The following LBHD1 variants were observed in gnomAD, a reference collection of about 807,000 sequenced individuals.
The protein encoded by LBHD1 is LBH domain-containing protein 1.
A neutral mutation model predicts 31.1 loss-of-function variants in LBHD1; 28 were observed. The ratio of observed to expected loss-of-function variants is 0.90; its 90% CI spans 0.67 to 1.24. The LOEUF is 1.24. LBHD1 is among the 50% of genes most tolerant of loss of function. LBHD1 has a pLI of 0.00. For synonymous variants in LBHD1, 105 were observed against 116.5 expected (o/e 0.90, Z 0.63); for missense variants, 350 against 323.0 (o/e 1.08, Z -0.64).
Position 62,672,077 on chromosome 11 carries a change from T to G in LBHD1, c.-524A>C, listed in dbSNP as rs1590855702. The G allele has an allele frequency of 6.2e-7, 1 of 1,604,138 alleles. No individual in the cohort carries two copies. The highest frequency in any genetic ancestry group is 8.5e-7 in the Non-Finnish European group (1 of 1,175,690). On this transcript the variant is annotated 5_prime_UTR_variant, in exon 1 of 7. Transcript: ENST00000354588. ...GTGGCCTGGAGGAAGAACTGGATGG[T>G]TGGCGGCGAAGGCGGCGCCGGCGGG...
In LBHD1 at chr11:62,663,254, C is replaced by A. The variant is rs1349511722; in HGVS notation, c.743G>T (p.Arg248Ile). Residue 248 changes from arginine to isoleucine, a missense_variant, in exon 6 of 7, where the codon AGA (arginine) becomes ATA (isoleucine). Transcript: ENST00000354588. ...TPPADPACPE[R>I]EDSHGSGSPF... The stretch of plus-strand genomic sequence containing the variant: ...GCCTCACCTTCCATGGCTGTCTTCT[C>A]TTTCTGGGCAAGCCGGATCTGCTGG... 1.2e-6 allele frequency: 2 copies of A among 1,614,088 alleles called. No individual in the cohort carries two copies. The highest frequency in any genetic ancestry group is 1.7e-6 in the Non-Finnish European group (2 of 1,180,044).
intron 4 of LBHD1, 37 bp downstream of exon 4, chr11:62,667,486 T>TG: frequency 6.3e-7 from 1 of 1,599,534 alleles, no homozygotes; most frequent in Non-Finnish European, 8.6e-7. Flanking sequence ...TTCATAAACC[T>TG]GGATGAGATA....
intron 4 of LBHD1, chr11:62,666,783 C>T (rs1944826972): frequency 6.2e-7 from 1 of 1,614,088 alleles, no homozygotes; most frequent in Non-Finnish European, 8.5e-7. Context: ...GGGGCTGTGG[C>T]TTCTTCAGGC....
chr11:62,667,460 G>A (rs1251797706), intron 4 of LBHD1, 63 bp downstream of exon 4: 1 of 1,518,170 alleles, frequency 6.6e-7, no homozygotes, highest in Non-Finnish European at 9.1e-7. Context: ...ATTGTAAGAG[G>A]ATGGGTATAA....
rs1944950416 is a variant in LBHD1 at position 62,671,796 on chromosome 11, G to C, written c.-243C>G. The C allele has an allele frequency of 6.2e-7, 1 of 1,613,986 alleles. No homozygotes were observed. Among genetic ancestry groups the C allele is most frequent in the African/African-American group, 1.3e-5 (1 of 74,918 alleles). ...TCTCAGTCGCAATGCTGGGCGCAGG[G>C]GCTGGCGTGGGCTACGCGCTCCTCG... On this transcript the variant is annotated 5_prime_UTR_variant, in exon 1 of 7. Coordinates refer to ENST00000354588, the MANE Select transcript of LBHD1 (RefSeq NM_024099.5).
In LBHD1 at chr11:62,663,049, T is replaced by C; in HGVS notation, c.*80A>G. The C allele has an allele frequency of 6.4e-7, 1 of 1,574,560 alleles. No homozygotes were observed. The highest frequency in any genetic ancestry group is 8.7e-7 in the Non-Finnish European group (1 of 1,146,518). On this transcript the variant is annotated 3_prime_UTR_variant, in exon 7 of 7. Transcript: ENST00000354588. ...GTTGAGAATCTTCTAGTGGAAGAGG[T>C]TTAGCTCTCATCTTCAAGGTCCTTC...
chr11:62,666,601 A>C (rs778202351), intron 4 of LBHD1: 2 of 1,614,138 alleles, frequency 1.2e-6, no homozygotes, highest in South Asian at 2.2e-5. Context: ...GCCTATGTAC[A>C]GGCCTCTACA....
chr11:62,664,739 A>G (rs1944747789), intron 5 of LBHD1, 110 bp downstream of exon 5: 3 of 1,374,718 alleles, frequency 2.2e-6, no homozygotes, highest in South Asian at 1.4e-5. Flanking sequence ...CATTCCCCGC[A>G]TAAGCGTCAG....
rs567990623 is a variant in LBHD1, at chr11:62,666,062, G to A, written c.539-1089C>T. On this transcript the variant is annotated intron_variant, in intron 4 of 6. Coordinates refer to ENST00000354588, the MANE Select transcript of LBHD1 (RefSeq NM_024099.5). ...TGAAATTGTGATTCTCAAACCCTAC[G>A]GTGGGCCGTGCGTGGTGGCTCACGG... is the stretch of plus-strand genomic sequence containing the variant. 14 of 1,208,342 alleles carry A rather than the reference G, an allele frequency of 1.2e-5. No individual in the cohort carries two copies. In the East Asian group the frequency reaches 3.0e-4, roughly 26 times the overall value. The allele number at this position is 1,208,342 out of a possible 1,614,324, so 74.9% of individuals were successfully genotyped here. A position where few individuals can be genotyped will look rare whatever the true frequency, so the allele number is the denominator to read the frequency against.
chr11:62,671,917 A>G lies in LBHD1; in HGVS notation c.-364T>C, dbSNP rs780155837. The G allele has an allele frequency of 1.9e-6, 3 of 1,613,062 alleles. No individual in the cohort carries two copies. The highest frequency in any genetic ancestry group is 2.5e-6 in the Non-Finnish European group (3 of 1,179,364). ...AGGGTGGGCGGGTGGAGAGCCCCGG[A>G]CTGGAGCTCCTGCGAACTCCCCTTC... On this transcript the variant is annotated 5_prime_UTR_variant, in exon 1 of 7. Transcript: ENST00000354588.
At chr11:62,671,395 A>C in intron 1 of LBHD1, 169 bp downstream of exon 1, 1 of 1,263,772 alleles carries the variant, frequency 7.9e-7, no homozygotes, top group Non-Finnish European at 1.0e-6. Context: ...GCCTCTACTG[A>C]TCGGGAAACG....
Position 62,664,487 on chromosome 11 carries a change from C to A in LBHD1, c.663+362G>T, listed in dbSNP as rs141692048. On this transcript the variant is annotated intron_variant, in intron 5 of 6. Coordinates refer to ENST00000354588, the MANE Select transcript of LBHD1 (RefSeq NM_024099.5). Reference sequence around the variant, plus strand: ...CTGGGACTACAGGTGCCGGCCACAACGCCTGGCTAATTTTTGTATTTTTAG... The same window carrying A: ...CTGGGACTACAGGTGCCGGCCACAAAGCCTGGCTAATTTTTGTATTTTTAG... Among the ~76,000 whole-genome samples the A allele has an allele frequency of 5.0e-3, 758 of 151,962 alleles. 9 individuals are homozygous for A. The highest frequency in any genetic ancestry group is 0.018 in the African/African-American group (727 of 41,466).
At chr11:62,664,082 G>GAAAAAAAAAAAAAAAAAA (rs71056540) in intron 5 of LBHD1, among the ~76,000 whole-genome samples, 1 of 65,944 alleles carries the variant, frequency 1.5e-5, no homozygotes, top group Admixed American at 1.9e-4. Flanking sequence ...CAAAAAAGAG[G>GAAAAAAAAAAAAAAAAAA]AAAAAAAAAA....
chr11:62,667,447 G>A, intron 4 of LBHD1, 76 bp downstream of exon 4: 2 of 1,463,186 alleles, frequency 1.4e-6, no homozygotes, highest in East Asian at 2.3e-5. Context: ...CCTGTAAAAG[G>A]AGATTGTAAG....
Position 62,672,071 on chromosome 11 carries a change from G to A in LBHD1, c.-518C>T, listed in dbSNP as rs1455907062. ...GAGAACGTGGCCTGGAGGAAGAACTGGATGGTTGGCGGCGAAGGCGGCGCC... is the reference window on the plus strand; with the variant it reads ...GAGAACGTGGCCTGGAGGAAGAACTAGATGGTTGGCGGCGAAGGCGGCGCC... On this transcript the variant is annotated 5_prime_UTR_variant, in exon 1 of 7. Transcript: ENST00000354588. The A allele has an allele frequency of 6.2e-7, 1 of 1,606,636 alleles. No individual in the cohort carries two copies. The highest frequency in any genetic ancestry group is 8.5e-7 in the Non-Finnish European group (1 of 1,176,902).
chr11:62,665,599 C>T, intron 4 of LBHD1: 1 of 1,566,164 alleles, frequency 6.4e-7, no homozygotes, highest in Non-Finnish European at 8.6e-7. Context: ...AACCGAGATC[C>T]AGCTGGCTCC....
At chr11:62,670,151 C>CT in intron 1 of LBHD1, 110 bp from the exon 2 acceptor site, 1 of 1,172,012 alleles carries the variant, frequency 8.5e-7, no homozygotes, top group Non-Finnish European at 1.2e-6. Context: ...ACCGACTGTG[C>CT]TAAGCGATTA....
intron 5 of LBHD1, among the ~76,000 whole-genome samples, chr11:62,664,455 C>A (rs1400658855): frequency 1.3e-5 from 2 of 151,556 alleles, no homozygotes; most frequent in Non-Finnish European, 2.9e-5. Flanking sequence ...CTCAGCCTCC[C>A]GTGTAGCTGG....
Position 62,672,038 on chromosome 11 carries a change from C to T in LBHD1, c.-485G>A, listed in dbSNP as rs200284364. 737 of 1,612,458 alleles carry T rather than the reference C, an allele frequency of 4.6e-4. 3 individuals carry two copies. The highest frequency in any genetic ancestry group is 2.2e-3 in the Middle Eastern group (13 of 6,038). On this transcript the variant is annotated 5_prime_UTR_variant, in exon 1 of 7. Coordinates refer to ENST00000354588, the MANE Select transcript of LBHD1 (RefSeq NM_024099.5). The stretch of plus-strand genomic sequence containing the variant: ...CTGGCCACTCTGCAGGAGGCAGCGA[C>T]CACGCAGGAGAACGTGGCCTGGAGG...
Sources: allele counts gnomAD v4.1 joint callset (sites outside exome capture counted in the v4.1 genomes callset), GRCh38; gene constraint gnomAD v4.1.1; transcripts MANE v1.5; gene names NCBI Gene and HGNC (gene_info 2026-07-23, HGNC 2026-07-21).